The following CREM variants were observed in gnomAD, a reference collection of about 807,000 sequenced individuals.
CREM encodes cAMP-responsive element modulator.
Under a neutral mutation model 37.3 loss-of-function variants are expected in CREM, and 13 were observed. The ratio of observed to expected loss-of-function variants is 0.35; its 90% CI spans 0.23 to 0.55. CREM has a LOEUF of 0.55. Ranked by LOEUF, CREM falls within the 20% of genes least tolerant of loss-of-function variation. The probability of loss-of-function intolerance (pLI) is 0.88; values close to 1 mark genes in which losing one functional copy is unlikely to be tolerated. For synonymous variants in CREM, 124 were observed against 120.2 expected (o/e 1.03, Z -0.21); for missense variants, 296 against 362.3 (o/e 0.82, Z 1.49).
At chr10:35,127,607 C>T (rs2088132703) in intron 1 of CREM, 1 of 152,524 alleles carries the variant, frequency 6.6e-6, no homozygotes, top group Admixed American at 6.5e-5. Flanking sequence ...CGCCTCTGCC[C>T]CACTTTACGA....
In CREM at chr10:35,149,888, A is replaced by AC. The variant is rs1298014524; in HGVS notation, c.168+1397_168+1398insC. Among the ~76,000 whole-genome samples the AC allele has an allele frequency of 1.1e-4, 15 of 132,794 alleles. No homozygotes were observed. In the East Asian group the frequency reaches 2.3e-3, roughly 21 times the overall value. The allele number at this position is 132,794 out of a possible 152,430, so 87.1% of individuals were successfully genotyped here. A position where few individuals can be genotyped will look rare whatever the true frequency, so the allele number is the denominator to read the frequency against. On this transcript the variant is annotated intron_variant, in intron 3 of 7. Coordinates refer to ENST00000685392, the MANE Select transcript of CREM (RefSeq NM_183011.2). ...TTAGGTTAGGCCAGGCCTTTTGCTT[A>AC]AACACACACACACACACACACACAC...
intron 3 of CREM, among the ~76,000 whole-genome samples, chr10:35,165,830 TTAGC>T (rs1034989278): frequency 3.3e-4 from 50 of 152,150 alleles, no homozygotes; most frequent in African/African-American, 1.2e-3. Flanking sequence ...AAAAAAAAGT[TTAGC>T]TAGGGCACTG....
At chr10:35,205,470 A>G (rs536200159) in intron 6 of CREM, among the ~76,000 whole-genome samples, 2 of 152,306 alleles carry the variant, frequency 1.3e-5, no homozygotes, top group Admixed American at 6.5e-5. Context: ...AGTGAGCTCA[A>G]TTCCTTCCAG....
chr10:35,182,694 A>G (rs2094402290), intron 5 of CREM, among the ~76,000 whole-genome samples: 1 of 152,190 alleles, frequency 6.6e-6, no homozygotes, highest in Admixed American at 6.5e-5. Flanking sequence ...AAAAACTAAA[A>G]AGTGAAAGTT....
chr10:35,178,202 TC>T (rs951809024), intron 3 of CREM, among the ~76,000 whole-genome samples: 2 of 152,198 alleles, frequency 1.3e-5, no homozygotes, highest in African/African-American at 2.4e-5. Context: ...ATTTTAGTTT[TC>T]TGACTTCTTT....
At chr10:35,148,571 G>T in intron 3 of CREM, 80 bp downstream of exon 3, 1 of 1,465,778 alleles carries the variant, frequency 6.8e-7, no homozygotes, top group South Asian at 1.3e-5. Flanking sequence ...TCTTGCCATT[G>T]ATCTTAAATT....
At chr10:35,144,842 GTTA>G (rs2091881035) in intron 2 of CREM, among the ~76,000 whole-genome samples, 2 of 151,356 alleles carry the variant, frequency 1.3e-5, no homozygotes, top group Non-Finnish European at 2.9e-5. Context: ...ACTCAGGATA[GTTA>G]TTATAAATAT....
chr10:35,190,325 G>A (rs2094855725), intron 6 of CREM, among the ~76,000 whole-genome samples: 1 of 152,126 alleles, frequency 6.6e-6, no homozygotes, highest in Non-Finnish European at 1.5e-5. Flanking sequence ...TCTGTATATA[G>A]TATTTGGTGG....
At chr10:35,200,984 T>C (rs983201070) in intron 6 of CREM, among the ~76,000 whole-genome samples, 2 of 150,732 alleles carry the variant, frequency 1.3e-5, no homozygotes, top group African/African-American at 4.8e-5. Flanking sequence ...TGTTTCCTAC[T>C]CTCACTTGTG....
intron 3 of CREM, among the ~76,000 whole-genome samples, chr10:35,151,532 C>T (rs185857390): frequency 4.8e-4 from 73 of 152,206 alleles, no homozygotes; most frequent in African/African-American, 1.4e-3. Flanking sequence ...TGTGCCACCA[C>T]GCCCAACTGA....
intron 5 of CREM, among the ~76,000 whole-genome samples, chr10:35,187,894 T>C (rs1284997488): frequency 1.3e-5 from 2 of 152,238 alleles, no homozygotes; most frequent in Non-Finnish European, 1.5e-5. Context: ...GGACTCTCCC[T>C]GTCTCCTTCT....
At chr10:35,145,704 G>A (rs1353937440) in intron 2 of CREM, among the ~76,000 whole-genome samples, 1 of 151,058 alleles carries the variant, frequency 6.6e-6, no homozygotes, top group Non-Finnish European at 1.5e-5. Context: ...GCTGGAACCT[G>A]GGAGGCAGAG....
In CREM at chr10:35,130,996, A is replaced by G. The variant is rs577608632; in HGVS notation, c.-55+3803A>G. Among the ~76,000 whole-genome samples the G allele has an allele frequency of 1.2e-4, 18 of 152,340 alleles. No homozygotes were observed. The East Asian group carries it at 3.5e-3, about 29-fold the overall frequency. ...GCAACGTGTGTGTGAAGTAGTTTTTATAAGTAGAGGAAATGCATAGGCTAT... is the reference window on the plus strand; with the variant it reads ...GCAACGTGTGTGTGAAGTAGTTTTTGTAAGTAGAGGAAATGCATAGGCTAT... On this transcript the variant is annotated intron_variant, in intron 1 of 7. Coordinates refer to ENST00000685392, the MANE Select transcript of CREM (RefSeq NM_183011.2).
chr10:35,133,633 CTG>C (rs2089871725), intron 1 of CREM, among the ~76,000 whole-genome samples: 1 of 152,226 alleles, frequency 6.6e-6, no homozygotes, highest in Non-Finnish European at 1.5e-5. Context: ...AAAAGCAAAA[CTG>C]TGTTTATTGT....
chr10:35,183,260 A>G (rs2094428154), intron 5 of CREM, among the ~76,000 whole-genome samples: 1 of 152,138 alleles, frequency 6.6e-6, no homozygotes, highest in African/African-American at 2.4e-5. Context: ...CACCATTATG[A>G]AAAGAAAAAT....
At chr10:35,188,720 C>T (rs1020140946) in intron 6 of CREM, among the ~76,000 whole-genome samples, 7 of 148,414 alleles carry the variant, frequency 4.7e-5, no homozygotes, top group African/African-American at 1.0e-4. Flanking sequence ...AGTACAATGG[C>T]GTGATCTCGG....
At chr10:35,207,756 A>G (rs1444418715) in intron 7 of CREM, among the ~76,000 whole-genome samples, 1 of 151,702 alleles carries the variant, frequency 6.6e-6, no homozygotes, top group Admixed American at 6.6e-5. Flanking sequence ...CCTGGGTGAC[A>G]GTGAGACTCC....
intron 3 of CREM, 158 bp from the exon 4 acceptor site, chr10:35,178,731 G>A: frequency 3.7e-6 from 2 of 539,842 alleles, no homozygotes; most frequent in South Asian, 3.2e-5. Flanking sequence ...CCTTTCTTGA[G>A]CCAGACTCCT....
At chr10:35,165,431 GCATC>G (rs1005015878) in intron 3 of CREM, among the ~76,000 whole-genome samples, 1 of 152,084 alleles carries the variant, frequency 6.6e-6, no homozygotes, top group Non-Finnish European at 1.5e-5. Flanking sequence ...GAGCGGATAA[GCATC>G]CAAACTGTAT....
Sources: gnomAD v4.1 joint callset for allele counts (sites outside exome capture counted in the v4.1 genomes callset) on GRCh38, gnomAD v4.1.1 for gene constraint, MANE v1.5 for transcripts, NCBI Gene and HGNC (gene_info 2026-07-23, HGNC 2026-07-21) for gene names.